PDZRN4: variants seen among roughly 807,000 people sequenced by gnomAD.
PDZRN4 encodes PDZ domain containing ring finger 4.
PDZRN4 carries 70 observed loss-of-function variants against 99.0 expected under a neutral mutation model. That is an observed-to-expected ratio of 0.71 (90% CI 0.58 to 0.86). The LOEUF (loss-of-function observed/expected upper bound fraction) is 0.86. Among genes scored for constraint, PDZRN4 ranks in the 40% least tolerant of loss-of-function variants. The probability of loss-of-function intolerance (pLI) is 0.00; values close to 1 mark genes in which losing one functional copy is unlikely to be tolerated. For missense variants in PDZRN4, 1,474 were observed against 1,331.2 expected, an observed-to-expected ratio of 1.11 and a Z score of -1.67; for synonymous variants, 551 against 501.6, an observed-to-expected ratio of 1.10 and a Z score of -1.32.
At chr12:41,344,583 T>C (rs1951839609) in intron 3 of PDZRN4, among the ~76,000 whole-genome samples, 1 of 151,816 alleles carries the variant, frequency 6.6e-6, no homozygotes, top group South Asian at 2.1e-4. Context: ...TTAGGCTTTG[T>C]TTTTTAGAGT....
chr12:41,509,039 C>T (rs1188822350), intron 4 of PDZRN4, among the ~76,000 whole-genome samples: 1 of 152,108 alleles, frequency 6.6e-6, no homozygotes, highest in Non-Finnish European at 1.5e-5. Flanking sequence ...TATATCAGAA[C>T]ATACTAAATC....
chr12:41,275,174 A>G (rs1951342516), intron 3 of PDZRN4, among the ~76,000 whole-genome samples: 1 of 152,178 alleles, frequency 6.6e-6, no homozygotes, highest in South Asian at 2.1e-4. Context: ...AACGACAGTT[A>G]TCCCAGGGAA....
chr12:41,517,019 T>C (rs1938412079), intron 5 of PDZRN4, among the ~76,000 whole-genome samples: 1 of 152,048 alleles, frequency 6.6e-6, no homozygotes, highest in South Asian at 2.1e-4. Context: ...GCCACAAAGT[T>C]GGCAACAGTT....
intron 3 of PDZRN4, among the ~76,000 whole-genome samples, chr12:41,436,723 A>G (rs987504421): frequency 2.0e-5 from 3 of 152,194 alleles, no homozygotes; most frequent in Admixed American, 6.5e-5. Flanking sequence ...TTGCAATACA[A>G]CACATGTATT....
At chr12:41,287,435 C>T (rs747623888) in intron 3 of PDZRN4, among the ~76,000 whole-genome samples, 26 of 152,140 alleles carry the variant, frequency 1.7e-4, no homozygotes, top group Non-Finnish European at 3.1e-4. Context: ...AGCTTTCATT[C>T]GTTACATTTA....
At chr12:41,283,892 C>T (rs889539831) in intron 3 of PDZRN4, among the ~76,000 whole-genome samples, 1 of 152,174 alleles carries the variant, frequency 6.6e-6, no homozygotes, top group Non-Finnish European at 1.5e-5. Flanking sequence ...GACAGACCCA[C>T]AGCCAATATC....
intron 8 of PDZRN4, among the ~76,000 whole-genome samples, chr12:41,564,416 G>A (rs1592114920): frequency 6.6e-6 from 1 of 152,134 alleles, no homozygotes. Context: ...CAAGGCAGAA[G>A]GGACAAAACA....
At chr12:41,316,311 A>G (rs548082935) in intron 3 of PDZRN4, among the ~76,000 whole-genome samples, 1 of 152,238 alleles carries the variant, frequency 6.6e-6, no homozygotes, top group African/African-American at 2.4e-5. Flanking sequence ...TAGGGAAGCA[A>G]TGAGGAAGAG....
At chr12:41,398,148 A>G (rs1430379725) in intron 3 of PDZRN4, among the ~76,000 whole-genome samples, 1 of 152,174 alleles carries the variant, frequency 6.6e-6, no homozygotes, top group Non-Finnish European at 1.5e-5. Flanking sequence ...TACTCTCAAT[A>G]TGACAATACA....
intron 3 of PDZRN4, among the ~76,000 whole-genome samples, chr12:41,314,166 A>G (rs930121443): frequency 6.6e-6 from 1 of 152,174 alleles, no homozygotes; most frequent in African/African-American, 2.4e-5. Context: ...GATAACCTGT[A>G]GTAAGTAATT....
rs183736009 is a variant in PDZRN4, at chr12:41,439,100, A to G, written c.844-67356A>G. On this transcript the variant is annotated intron_variant, in intron 3 of 9. Transcript: ENST00000402685. ...CTCCTCAGTTGCAATGTTAATGCAC[A>G]TTTTCATGGTAATGTGATCAGAGGC... Among the ~76,000 whole-genome samples the G allele has an allele frequency of 9.1e-4, 139 of 152,174 alleles. 1 individual carries two copies. The highest frequency in any genetic ancestry group is 2.6e-3 in the Admixed American group (40 of 15,276).
intron 3 of PDZRN4, among the ~76,000 whole-genome samples, chr12:41,261,552 C>G (rs1221989365): frequency 6.6e-6 from 1 of 152,140 alleles, no homozygotes; most frequent in Non-Finnish European, 1.5e-5. Flanking sequence ...TGCCGTGGCG[C>G]GATCTCGGCT....
intron 3 of PDZRN4, among the ~76,000 whole-genome samples, chr12:41,276,451 G>T (rs78349877): frequency 6.6e-6 from 1 of 151,758 alleles, no homozygotes; most frequent in South Asian, 2.1e-4. Flanking sequence ...TTTTATACAC[G>T]TCATAGTTCA....
intron 3 of PDZRN4, among the ~76,000 whole-genome samples, chr12:41,280,105 C>G (rs1295352924): frequency 3.3e-5 from 5 of 152,140 alleles, no homozygotes; most frequent in Non-Finnish European, 4.4e-5. Flanking sequence ...CTGGGAAGCA[C>G]AAGGGGTCAG....
At chr12:41,389,779 G>C (rs1054924106) in intron 3 of PDZRN4, among the ~76,000 whole-genome samples, 3 of 152,080 alleles carry the variant, frequency 2.0e-5, no homozygotes, top group African/African-American at 4.8e-5. Flanking sequence ...ATTGCCCTTC[G>C]TGCTGGGCAC....
chr12:41,446,623 T>C (rs764183231), intron 3 of PDZRN4, among the ~76,000 whole-genome samples: 28 of 151,928 alleles, frequency 1.8e-4, no homozygotes, highest in Non-Finnish European at 3.4e-4. Context: ...AGAACTCTGC[T>C]AGATAGTAAC....
At chr12:41,222,242 C>T (rs2120726589) in intron 3 of PDZRN4, among the ~76,000 whole-genome samples, 1 of 152,278 alleles carries the variant, frequency 6.6e-6, no homozygotes, top group Middle Eastern at 3.4e-3. Flanking sequence ...TGACCTGCAG[C>T]TCATTTCCTG....
At chr12:41,302,028 A>T (rs1951539542) in intron 3 of PDZRN4, among the ~76,000 whole-genome samples, 1 of 152,058 alleles carries the variant, frequency 6.6e-6, no homozygotes. Context: ...CTCTGTTTTC[A>T]ATTATAACAT....
chr12:41,250,530 C>T (rs902001347), intron 3 of PDZRN4, among the ~76,000 whole-genome samples: 1 of 152,190 alleles, frequency 6.6e-6, no homozygotes, highest in African/African-American at 2.4e-5. Context: ...TAGTCCATCC[C>T]TAAATAACTA....
Sources: gnomAD v4.1 joint callset for allele counts (sites outside exome capture counted in the v4.1 genomes callset) on GRCh38, gnomAD v4.1.1 for gene constraint, MANE v1.5 for transcripts, NCBI Gene and HGNC (gene_info 2026-07-23, HGNC 2026-07-21) for gene names.